The following BCKDHB variants were observed in gnomAD, a reference collection of about 807,000 sequenced individuals.
BCKDHB encodes 2-oxoisovalerate dehydrogenase subunit beta, mitochondrial.
A neutral mutation model predicts 48.5 loss-of-function variants in BCKDHB; 41 were observed. That is an observed-to-expected ratio of 0.85 (90% CI 0.66 to 1.10). The LOEUF (loss-of-function observed/expected upper bound fraction) is 1.10, where lower values mean the gene tolerates loss of function less well. BCKDHB is among the 50% of genes least tolerant of loss of function. The probability of loss-of-function intolerance (pLI) is 0.00; values close to 1 mark genes in which losing one functional copy is unlikely to be tolerated. For missense variants in BCKDHB, 496 were observed against 494.2 expected (o/e 1.00, Z -0.03); for synonymous variants, 201 against 174.8 (o/e 1.15, Z -1.18).
chr6:80,182,826 C>A (rs1773473721), intron 6 of BCKDHB, among the ~76,000 whole-genome samples: 1 of 152,050 alleles, frequency 6.6e-6, no homozygotes, highest in Non-Finnish European at 1.5e-5. Context: ...ACAAATAATA[C>A]AAATAAGAGC....
At chr6:80,382,955 A>AAT in the BCKDHB span, among the ~76,000 whole-genome samples, 2 of 152,084 alleles carry the variant, frequency 1.3e-5, no homozygotes, top group African/African-American at 4.8e-5. Context: ...TCATACTGTG[A>AAT]ATATATATAA....
At chr6:80,309,900 T>C (rs1207251662) in intron 9 of BCKDHB, among the ~76,000 whole-genome samples, 2 of 152,150 alleles carry the variant, frequency 1.3e-5, no homozygotes, top group Non-Finnish European at 2.9e-5. Context: ...CTGCCTTCTT[T>C]ATGTTCATGT....
chr6:80,456,988 G>GT, the BCKDHB span, among the ~76,000 whole-genome samples: 4 of 151,362 alleles, frequency 2.6e-5, no homozygotes, highest in East Asian at 3.9e-4. Context: ...ACAATAAACT[G>GT]TTTTTTTAAA....
chr6:80,162,985 C>T (rs990290469), intron 3 of BCKDHB, among the ~76,000 whole-genome samples: 2 of 151,618 alleles, frequency 1.3e-5, no homozygotes, highest in African/African-American at 4.8e-5. Flanking sequence ...TGCAGTGGTG[C>T]CATCTCAGCT....
chr6:80,243,585 T>C (rs980080229), intron 8 of BCKDHB, among the ~76,000 whole-genome samples: 1 of 152,140 alleles, frequency 6.6e-6, no homozygotes, highest in Admixed American at 6.5e-5. Flanking sequence ...CAGACTGGAG[T>C]GCAGTGGTGT....
chr6:80,340,137 A>T (rs1243442347), intron 9 of BCKDHB, among the ~76,000 whole-genome samples: 1 of 152,252 alleles, frequency 6.6e-6, no homozygotes, highest in Non-Finnish European at 1.5e-5. Flanking sequence ...AAAAAGGCAT[A>T]TTCAGAAGTA....
At chr6:80,363,493 G>T in the BCKDHB span, among the ~76,000 whole-genome samples, 1 of 152,076 alleles carries the variant, frequency 6.6e-6, no homozygotes, top group Non-Finnish European at 1.5e-5. Context: ...GAGTCTTTGG[G>T]TGCAACTTTT....
chr6:80,244,028 C>A (rs1389790898), intron 8 of BCKDHB, among the ~76,000 whole-genome samples: 1 of 152,184 alleles, frequency 6.6e-6, no homozygotes, highest in Non-Finnish European at 1.5e-5. Context: ...GTACCTAAGA[C>A]AAAATACACT....
intron 8 of BCKDHB, among the ~76,000 whole-genome samples, chr6:80,206,288 C>T (rs527356370): frequency 5.9e-4 from 55 of 92,946 alleles, no homozygotes; most frequent in African/African-American, 2.3e-3. Flanking sequence ...ACTCTATCTG[C>T]GCAGCAGAGC....
intron 8 of BCKDHB, among the ~76,000 whole-genome samples, chr6:80,224,453 C>T (rs1775594943): frequency 6.6e-6 from 1 of 151,918 alleles, no homozygotes; most frequent in African/African-American, 2.4e-5. Flanking sequence ...AGTACAATGG[C>T]ACAATCTCAG....
At chr6:80,387,046 T>A in the BCKDHB span, among the ~76,000 whole-genome samples, 1 of 152,244 alleles carries the variant, frequency 6.6e-6, no homozygotes, top group African/African-American at 2.4e-5. Context: ...GGGAAATGAT[T>A]AGACATTTCA....
intron 1 of BCKDHB, among the ~76,000 whole-genome samples, chr6:80,116,223 C>G (rs1338452627): frequency 6.6e-6 from 1 of 152,150 alleles, no homozygotes; most frequent in African/African-American, 2.4e-5. Context: ...TATTAAAGAC[C>G]TACCCCATCA....
intron 9 of BCKDHB, among the ~76,000 whole-genome samples, chr6:80,341,274 A>G (rs1337325374): frequency 1.3e-5 from 2 of 152,246 alleles, no homozygotes; most frequent in Admixed American, 1.3e-4. Flanking sequence ...TTTATGTAAC[A>G]TAACACAGGA....
chr6:80,233,812 A>G lies in BCKDHB; in HGVS notation c.951+30600A>G, dbSNP rs1319976898. ...GGAGCTATGATTTTTAGTTTCTGAA[A>G]TTCCAAACCCCAATAAGCCAAACAG... On this transcript the variant is annotated intron_variant, in intron 8 of 9. Coordinates refer to ENST00000320393, the MANE Select transcript of BCKDHB (RefSeq NM_183050.4). Among the ~76,000 whole-genome samples the G allele has an allele frequency of 2.0e-5, 3 of 152,164 alleles. No homozygotes were observed. The East Asian group carries it at 5.8e-4, about 29-fold the overall frequency.
intron 9 of BCKDHB, among the ~76,000 whole-genome samples, chr6:80,334,772 C>T (rs1287189793): frequency 6.6e-6 from 1 of 150,620 alleles, no homozygotes; most frequent in Non-Finnish European, 1.5e-5. Context: ...TTCTTTTAAA[C>T]ATACACTAAA....
the BCKDHB span, among the ~76,000 whole-genome samples, chr6:80,358,805 A>C: frequency 6.6e-6 from 1 of 152,200 alleles, no homozygotes; most frequent in Non-Finnish European, 1.5e-5. Context: ...GTGGCTGCAA[A>C]ACATTACAAG....
chr6:80,165,830 G>T (rs1322740112), intron 3 of BCKDHB, among the ~76,000 whole-genome samples: 1 of 152,196 alleles, frequency 6.6e-6, no homozygotes, highest in Non-Finnish European at 1.5e-5. Context: ...ATTATTTGCT[G>T]CTGGGCTTTT....
chr6:80,156,227 C>A (rs1282959653), intron 3 of BCKDHB, among the ~76,000 whole-genome samples: 1 of 151,668 alleles, frequency 6.6e-6, no homozygotes, highest in East Asian at 1.9e-4. Context: ...TCTGGGTCAT[C>A]TGAATCATTT....
chr6:80,166,670 A>T (rs1016829628), intron 3 of BCKDHB, among the ~76,000 whole-genome samples: 3 of 149,404 alleles, frequency 2.0e-5, no homozygotes, highest in Non-Finnish European at 4.5e-5. Context: ...AAAAAAAAAA[A>T]TTCTAACATA....
Sources: gnomAD v4.1 joint callset for allele counts (sites outside exome capture counted in the v4.1 genomes callset) on GRCh38, gnomAD v4.1.1 for gene constraint, MANE v1.5 for transcripts, NCBI Gene and HGNC (gene_info 2026-07-23, HGNC 2026-07-21) for gene names.